Variants in ADAMTS18 observed in about 807,000 individuals in gnomAD.
ADAMTS18 encodes ADAM metallopeptidase with thrombospondin type 1 motif 18, also known as A disintegrin and metalloproteinase with thrombospondin motifs 18.
A neutral mutation model predicts 165.9 loss-of-function variants in ADAMTS18; 157 were observed. The ratio of observed to expected loss-of-function variants is 0.95; its 90% confidence interval spans 0.83 to 1.08. The LOEUF is 1.08. ADAMTS18 is among the 50% of genes least tolerant of loss of function. The pLI, the probability that ADAMTS18 is intolerant of heterozygous loss-of-function variation, is 0.00. For missense variants in ADAMTS18, 2,040 were observed against 1,534.0 expected, an observed-to-expected ratio of 1.33 and a Z score of -5.51; for synonymous variants, 782 against 578.2, an observed-to-expected ratio of 1.35 and a Z score of -5.06.
intron 11 of ADAMTS18, among the ~76,000 whole-genome samples, chr16:77,340,769 C>A (rs147621071): frequency 1.3e-5 from 2 of 151,992 alleles, no homozygotes; most frequent in African/African-American, 4.8e-5. Flanking sequence ...GATAGGGTCT[C>A]GCTGTGTTAC....
At position 77,430,149 on chromosome 16, in the gene ADAMTS18, A is replaced by AAAACAAACAAAC. The variant is rs35091044; in HGVS notation, c.495+1134_495+1145dup. On this transcript the variant is annotated intron_variant, in intron 3 of 22. Transcript: ENST00000282849. ...TAAAGAGAAGGAGATGTGCCACAAC[A>AAAACAAACAAAC]AAACAAACAAACAAACAAACAAACA... is the stretch of plus-strand genomic sequence containing the variant. Among the ~76,000 whole-genome samples, 50 of 143,500 alleles carry AAAACAAACAAAC rather than the reference A, an allele frequency of 3.5e-4. 1 individual carries two copies. The highest frequency in any genetic ancestry group is 1.2e-3 in the African/African-American group (48 of 40,514). 94.1% of individuals were successfully genotyped at this position (143,500 alleles called of 152,430 possible).
intron 3 of ADAMTS18, among the ~76,000 whole-genome samples, chr16:77,398,597 G>A (rs1191064923): frequency 6.6e-6 from 1 of 152,166 alleles, no homozygotes; most frequent in Non-Finnish European, 1.5e-5. Context: ...CTCAGTCTCT[G>A]CACTGTTGAC....
At chr16:77,347,536 T>C (rs2056495655) in intron 10 of ADAMTS18, among the ~76,000 whole-genome samples, 1 of 152,192 alleles carries the variant, frequency 6.6e-6, no homozygotes, top group Non-Finnish European at 1.5e-5. Context: ...ATAATTTCTT[T>C]TATATATTCC....
chr16:77,301,416 C>T (rs912731216), intron 16 of ADAMTS18, among the ~76,000 whole-genome samples: 1 of 152,234 alleles, frequency 6.6e-6, no homozygotes, highest in Non-Finnish European at 1.5e-5. Context: ...GGAAAAGCAT[C>T]TGTCTGCCTT....
In ADAMTS18 at chr16:77,287,769, G is replaced by C. The variant is rs116423657; in HGVS notation, c.3550+1495C>G. ...TTACAGGTGTGAGCCACAGCACTCA[G>C]CCAAGCTCCTCTTTTAATAAGCCAT... On this transcript the variant is annotated intron_variant, in intron 22 of 22. Transcript: ENST00000282849. 6.1e-3 allele frequency among the ~76,000 whole-genome samples: 928 copies of C among 152,228 alleles called. 8 individuals are homozygous for C. The highest frequency in any genetic ancestry group is 0.021 in the African/African-American group (866 of 41,540).
At chr16:77,317,010 C>T (rs1462203460) in intron 16 of ADAMTS18, among the ~76,000 whole-genome samples, 1 of 152,158 alleles carries the variant, frequency 6.6e-6, no homozygotes, top group Non-Finnish European at 1.5e-5. Context: ...TGAATTTCCT[C>T]TGCTCTTTAC....
chr16:77,316,247 C>A (rs1190661939), intron 16 of ADAMTS18, among the ~76,000 whole-genome samples: 3 of 123,122 alleles, frequency 2.4e-5, no homozygotes, highest in Non-Finnish European at 3.3e-5. Flanking sequence ...ATTTACATAG[C>A]AGCCTGGTTG....
At chr16:77,404,809 G>T (rs949991168) in intron 3 of ADAMTS18, among the ~76,000 whole-genome samples, 5 of 152,100 alleles carry the variant, frequency 3.3e-5, no homozygotes, top group Non-Finnish European at 5.9e-5. Context: ...TCCTCAAGAA[G>T]TTCCTTATCT....
Position 77,282,607 on chromosome 16 carries a change from AT to A in ADAMTS18, c.*1348del, listed in dbSNP as rs1478481970. 1 of 152,672 alleles carries A rather than the reference AT, an allele frequency of 6.5e-6. No individual in the cohort carries two copies. Among genetic ancestry groups the A allele is most frequent in the Non-Finnish European group, 1.5e-5 (1 of 68,040 alleles). 9.5% of individuals were successfully genotyped at this position (152,672 alleles called of 1,614,324 possible). Reference sequence around the variant, plus strand: ...TTTTAAAGAAGTAAAATTGGGTTACATTCATCAAAGAAGTTGAGGAATAAAG... The same window carrying A: ...TTTTAAAGAAGTAAAATTGGGTTACATCATCAAAGAAGTTGAGGAATAAAG... On this transcript the variant is annotated 3_prime_UTR_variant, in exon 23 of 23. Coordinates refer to ENST00000282849, the MANE Select transcript of ADAMTS18 (RefSeq NM_199355.4).
intron 3 of ADAMTS18, among the ~76,000 whole-genome samples, chr16:77,396,368 T>A (rs928519236): frequency 1.3e-5 from 2 of 152,244 alleles, no homozygotes; most frequent in African/African-American, 4.8e-5. Flanking sequence ...GCTGTAAATT[T>A]AAAACAGATC....
chr16:77,391,737 A>G (rs1416399991), intron 3 of ADAMTS18, among the ~76,000 whole-genome samples: 1 of 152,058 alleles, frequency 6.6e-6, no homozygotes, highest in African/African-American at 2.4e-5. Flanking sequence ...CTACAACTCT[A>G]CTCGATTTCA....
intron 16 of ADAMTS18, among the ~76,000 whole-genome samples, chr16:77,300,622 G>A (rs974530405): frequency 2.6e-5 from 4 of 152,018 alleles, no homozygotes; most frequent in African/African-American, 9.7e-5. Context: ...TTAGGTAGAT[G>A]CTAAAGAGCA....
At chr16:77,320,989 A>T (rs1200890758) in intron 15 of ADAMTS18, 90 bp downstream of exon 15, 1 of 1,527,170 alleles carries the variant, frequency 6.5e-7, no homozygotes, top group South Asian at 1.1e-5. Context: ...GTGAACTAGT[A>T]AAAGGCTCAA....
chr16:77,291,374 A>G lies in ADAMTS18; in HGVS notation c.3294T>C (p.Asn1098=), dbSNP rs754804316. The G allele has an allele frequency of 1.1e-5, 18 of 1,614,146 alleles. 1 individual carries two copies. The South Asian group carries it at 2.0e-4, about 18-fold the overall frequency. The change falls in exon 21 of 23, where the codon AAT becomes AAC. Residue 1098 remains asparagine (N), a synonymous_variant. Transcript: ENST00000282849. ...LITFPERRCR[N]IKKPNLDLEE... is the part of the protein sequence containing the mutation. The stretch of plus-strand genomic sequence containing the variant: ...CCAAGTCCAGATTTGGTTTCTTAAT[A>G]TTACGGCATCTTCGCTCTGGGAAAG...
intron 3 of ADAMTS18, among the ~76,000 whole-genome samples, chr16:77,386,270 CAG>C (rs1450996357): frequency 1.3e-5 from 2 of 152,182 alleles, no homozygotes; most frequent in Non-Finnish European, 2.9e-5. Flanking sequence ...GGCTGACCAC[CAG>C]GCTTAAAGAT....
chr16:77,346,886 A>G (rs2056485088), intron 10 of ADAMTS18, among the ~76,000 whole-genome samples: 1 of 152,194 alleles, frequency 6.6e-6, no homozygotes, highest in Admixed American at 6.5e-5. Flanking sequence ...TGGCAGATAT[A>G]TACACCACTA....
At chr16:77,339,383 C>G (rs1567496157) in intron 11 of ADAMTS18, among the ~76,000 whole-genome samples, 1 of 151,980 alleles carries the variant, frequency 6.6e-6, no homozygotes. Flanking sequence ...GCAGTTGTAT[C>G]AAGACATTTG....
At chr16:77,354,161 T>C (rs1256094494) in intron 9 of ADAMTS18, among the ~76,000 whole-genome samples, 1 of 152,184 alleles carries the variant, frequency 6.6e-6, no homozygotes, top group Non-Finnish European at 1.5e-5. Flanking sequence ...GAAAGGTTAA[T>C]ACATTTGAAA....
chr16:77,301,528 A>C (rs1249441755), intron 16 of ADAMTS18, among the ~76,000 whole-genome samples: 1 of 152,226 alleles, frequency 6.6e-6, no homozygotes, highest in East Asian at 1.9e-4. Context: ...AATCTTGTGG[A>C]AAATTCTTTA....
Sources: allele counts gnomAD v4.1 joint callset (sites outside exome capture counted in the v4.1 genomes callset), GRCh38; gene constraint gnomAD v4.1.1; transcripts MANE v1.5; gene names NCBI Gene and HGNC (gene_info 2026-07-23, HGNC 2026-07-21).